SLC13A3: variants seen among roughly 807,000 people sequenced by gnomAD.
The protein encoded by SLC13A3 is solute carrier family 13 member 3.
A neutral mutation model predicts 59.0 loss-of-function variants in SLC13A3; 40 were observed. The ratio of observed to expected loss-of-function variants is 0.68; its 90% CI spans 0.53 to 0.88. SLC13A3 has a LOEUF of 0.88. SLC13A3 is among the 40% of genes least tolerant of loss of function. The probability of loss-of-function intolerance (pLI) is 0.00; values close to 1 mark genes in which losing one functional copy is unlikely to be tolerated. For synonymous variants in SLC13A3, 317 were observed against 330.3 expected (o/e 0.96, Z 0.44); for missense variants, 699 against 783.2 (o/e 0.89, Z 1.28).
rs139819116 is a variant in SLC13A3 at position 46,592,520 on chromosome 20, C to A, written c.804G>T (p.Pro268=). 2 of 1,613,230 alleles carry A rather than the reference C, an allele frequency of 1.2e-6. No homozygotes were observed. Among genetic ancestry groups the A allele is most frequent in the Non-Finnish European group, 1.7e-6 (2 of 1,179,556 alleles). The part of the protein sequence containing the change: ...ILLGQLKSFF[P]QCDVVNFGSW... Reference sequence around the variant, plus strand: ...AGCCGAAATTCACCACGTCACACTGCGGAAAGAAACTGGAGAACAGCGGGA... The same window carrying A: ...AGCCGAAATTCACCACGTCACACTGAGGAAAGAAACTGGAGAACAGCGGGA... Residue 268 remains proline (P), a synonymous_variant, in exon 6 of 13, where the codon CCG becomes CCT. Coordinates refer to ENST00000279027, the MANE Select transcript of SLC13A3 (RefSeq NM_022829.6).
At chr20:46,638,999 G>A (rs1002908673) in intron 1 of SLC13A3, among the ~76,000 whole-genome samples, 6 of 152,180 alleles carry the variant, frequency 3.9e-5, no homozygotes, top group African/African-American at 7.2e-5. Context: ...TAAGGCCTGC[G>A]ACACAGTAGG....
chr20:46,591,193 TAAAC>T (rs200665929), intron 6 of SLC13A3, among the ~76,000 whole-genome samples: 16,620 of 140,860 alleles, frequency 0.12, 1,148 homozygotes, highest in East Asian at 0.35. Flanking sequence ...AATAAATAAA[TAAAC>T]AAACAAACAA....
chr20:46,597,486 G>C (rs1293769792), intron 4 of SLC13A3, among the ~76,000 whole-genome samples: 1 of 152,136 alleles, frequency 6.6e-6, no homozygotes, highest in Admixed American at 6.5e-5. Flanking sequence ...ACCCAGGCTA[G>C]AGTGCAATGG....
At chr20:46,586,604 AAATAGAATT>A (rs1568921846) in intron 8 of SLC13A3, among the ~76,000 whole-genome samples, 1 of 152,148 alleles carries the variant, frequency 6.6e-6, no homozygotes, top group African/African-American at 2.4e-5. Context: ...ACCAAGTCCA[AAATAGAATT>A]ATGAATAAGC....
chr20:46,674,704 A>T (rs2063114204), upstream of SLC13A3, among the ~76,000 whole-genome samples: 7 of 151,744 alleles, frequency 4.6e-5, no homozygotes, highest in Admixed American at 4.6e-4. Flanking sequence ...TCCAACAGGC[A>T]GGCTAGGTTT....
rs200606756 is a variant in SLC13A3, at chr20:46,658,992, CAA to C, written c.-31+11049_-31+11050del. On this transcript the variant is annotated intron_variant, in intron 1 of 12. Transcript: ENST00000290317. ...ATAGCCACAATAGTTTTCTTATGCT[CAA>C]AGTTTGTATTGTATATCTTTTCCAC... Among the ~76,000 whole-genome samples the C allele has an allele frequency of 3.2e-3, 485 of 152,292 alleles. 4 individuals are homozygous for C. The highest frequency in any genetic ancestry group is 0.011 in the African/African-American group (450 of 41,564).
chr20:46,579,593 T>G (rs116409471), intron 9 of SLC13A3, among the ~76,000 whole-genome samples: 7 of 152,222 alleles, frequency 4.6e-5, no homozygotes, highest in African/African-American at 7.2e-5. Flanking sequence ...CAGGCAGTGC[T>G]CATGGAGTTC....
chr20:46,612,036 AC>A (rs754063694), intron 2 of SLC13A3, among the ~76,000 whole-genome samples: 61 of 151,138 alleles, frequency 4.0e-4, no homozygotes, highest in Non-Finnish European at 7.5e-4. Context: ...AGGCTCTGTC[AC>A]CCAAAAAAAA....
intron 1 of SLC13A3, among the ~76,000 whole-genome samples, chr20:46,615,169 C>A (rs947350612): frequency 6.6e-6 from 1 of 152,086 alleles, no homozygotes; most frequent in Non-Finnish European, 1.5e-5. Context: ...CCTGCCCTGC[C>A]CTTGCTTTCT....
intron 1 of SLC13A3, among the ~76,000 whole-genome samples, chr20:46,625,931 C>A (rs958147417): frequency 1.3e-5 from 2 of 152,112 alleles, no homozygotes; most frequent in African/African-American, 4.8e-5. Context: ...TGTATTATTT[C>A]CAGTTTGGGG....
At chr20:46,616,755 A>T (rs1476013079) in intron 1 of SLC13A3, among the ~76,000 whole-genome samples, 2 of 152,188 alleles carry the variant, frequency 1.3e-5, no homozygotes, top group Non-Finnish European at 2.9e-5. Context: ...CTGCCTACAG[A>T]GCTTTAGTAA....
At chr20:46,581,860 C>T (rs2062142156) in intron 9 of SLC13A3, among the ~76,000 whole-genome samples, 1 of 152,126 alleles carries the variant, frequency 6.6e-6, no homozygotes, top group African/African-American at 2.4e-5. Flanking sequence ...TGAGAACAGC[C>T]ATTTGGAAGA....
intron 5 of SLC13A3, among the ~76,000 whole-genome samples, chr20:46,594,456 T>C (rs1372955865): frequency 1.3e-5 from 2 of 152,028 alleles, no homozygotes; most frequent in African/African-American, 4.8e-5. Context: ...CTGCTCTCCA[T>C]CCCCAGAGCC....
chr20:46,570,974 A>T (rs1235074118), intron 10 of SLC13A3, among the ~76,000 whole-genome samples: 3 of 152,134 alleles, frequency 2.0e-5, no homozygotes, highest in Non-Finnish European at 4.4e-5. Flanking sequence ...GGCTTAATTG[A>T]CTCACAATTC....
chr20:46,651,297 G>C lies in SLC13A3; in HGVS notation c.111+14C>G. 6.7e-7 allele frequency: 1 copy of C among 1,482,918 alleles called. No homozygotes were observed. The highest frequency in any genetic ancestry group is 1.3e-5 in the South Asian group (1 of 75,718). The allele number at this position is 1,482,918 out of a possible 1,614,324, so 91.9% of individuals were successfully genotyped here. A position where few individuals can be genotyped will look rare whatever the true frequency, so the allele number is the denominator to read the frequency against. Reference sequence around the variant, plus strand: ...TGTGGTTGACCGGGGGCGCACAGGCGGAGGAGGCGTTACCTTGGGCGGGAG... The same window carrying C: ...TGTGGTTGACCGGGGGCGCACAGGCCGAGGAGGCGTTACCTTGGGCGGGAG... On this transcript the variant is annotated intron_variant, in intron 1 of 12. Transcript: ENST00000279027.
intron 1 of SLC13A3, among the ~76,000 whole-genome samples, chr20:46,680,173 T>C (rs1256386916): frequency 6.6e-6 from 1 of 152,208 alleles, no homozygotes; most frequent in East Asian, 1.9e-4. Context: ...TTGTTAGCAA[T>C]GCAGATTCTC....
chr20:46,638,017 G>C (rs2062811214), intron 1 of SLC13A3, among the ~76,000 whole-genome samples: 1 of 152,142 alleles, frequency 6.6e-6, no homozygotes, highest in African/African-American at 2.4e-5. Flanking sequence ...TGGTTTAGTG[G>C]GGGTGAGAAT....
intron 9 of SLC13A3, among the ~76,000 whole-genome samples, chr20:46,579,969 T>C (rs2062118826): frequency 6.6e-6 from 1 of 151,470 alleles, no homozygotes; most frequent in Non-Finnish European, 1.5e-5. Flanking sequence ...CACTCATCAC[T>C]ACTTTTTTTT....
intron 6 of SLC13A3, 37 bp downstream of exon 6, chr20:46,592,367 T>G (rs764254783): frequency 6.2e-7 from 1 of 1,611,432 alleles, no homozygotes; most frequent in South Asian, 1.1e-5. Context: ...CATTCCCTGC[T>G]TCCCCACTCT....
Sources: gnomAD v4.1 joint callset for allele counts (sites outside exome capture counted in the v4.1 genomes callset) on GRCh38, gnomAD v4.1.1 for gene constraint, MANE v1.5 for transcripts, NCBI Gene and HGNC (gene_info 2026-07-23, HGNC 2026-07-21) for gene names.